Variants in GTF2F2 observed in about 807,000 individuals in gnomAD.
The protein encoded by GTF2F2 is general transcription factor IIF subunit 2.
Under a neutral mutation model 42.2 loss-of-function variants are expected in GTF2F2, and 23 were observed. The observed-to-expected ratio is 0.55, with a 90% CI of 0.39 to 0.77. The LOEUF (loss-of-function observed/expected upper bound fraction) is 0.77, where lower values mean the gene tolerates loss of function less well. Ranked by LOEUF, GTF2F2 falls within the 30% of genes least tolerant of loss-of-function variation. The pLI is 0.00. For synonymous variants in GTF2F2, 105 were observed against 100.8 expected (o/e 1.04, Z -0.25); for missense variants, 261 against 287.2 (o/e 0.91, Z 0.66).
chr13:45,268,125 C>T (rs8000070), intron 7 of GTF2F2, among the ~76,000 whole-genome samples: 49,456 of 151,878 alleles, frequency 0.33, 10,263 homozygotes, highest in African/African-American at 0.59. Context: ...TTCTCCACCA[C>T]ATGTCACCAA....
At chr13:45,272,402 A>G (rs1183769500) in intron 7 of GTF2F2, among the ~76,000 whole-genome samples, 1 of 142,560 alleles carries the variant, frequency 7.0e-6, no homozygotes, top group African/African-American at 2.7e-5. Flanking sequence ...TTAACTTTTT[A>G]TATGGTTTTG....
intron 5 of GTF2F2, among the ~76,000 whole-genome samples, chr13:45,222,691 A>G (rs571158959): frequency 2.6e-5 from 4 of 152,348 alleles, no homozygotes; most frequent in Non-Finnish European, 5.9e-5. Flanking sequence ...AACCTTGAAC[A>G]TCTATTATAT....
In GTF2F2 at chr13:45,191,220, A is replaced by ATATATAT. The variant is rs1555267754; in HGVS notation, c.305-16204_305-16203insTATATAT. On this transcript the variant is annotated intron_variant, in intron 4 of 7. Transcript: ENST00000340473. ...CCCCGTCTCTACTAAAAATACAAAAAAAAAATATATATATATATATATATA... is the reference window on the plus strand; with the variant it reads ...CCCCGTCTCTACTAAAAATACAAAAATATATATAAAAATATATATATATATATATATA... Among the ~76,000 whole-genome samples the ATATATAT allele has an allele frequency of 6.6e-5, 5 of 75,210 alleles. No homozygotes were observed. In the South Asian group the frequency reaches 1.1e-3, roughly 16 times the overall value. 49.3% of individuals were successfully genotyped at this position (75,210 alleles called of 152,430 possible).
intron 7 of GTF2F2, among the ~76,000 whole-genome samples, chr13:45,276,527 C>A (rs1186362449): frequency 2.0e-5 from 3 of 151,754 alleles, no homozygotes; most frequent in Non-Finnish European, 4.4e-5. Flanking sequence ...ACCTCTGCCT[C>A]CCGAGTTCAA....
intron 2 of GTF2F2, among the ~76,000 whole-genome samples, chr13:45,137,551 C>T (rs919894538): frequency 2.0e-5 from 3 of 152,164 alleles, no homozygotes; most frequent in Non-Finnish European, 2.9e-5. Flanking sequence ...CTGGCCTGGG[C>T]GGCCTTCCTG....
In GTF2F2 at chr13:45,167,396, A is replaced by ATTTTTT. The variant is rs761750778; in HGVS notation, c.304+15580_304+15585dup. ...CACACCCAGCTAATTTCACCCAGCTATTTTTTTTTTTTTTTTTTTTGAGAT... is the reference window on the plus strand; with the variant it reads ...CACACCCAGCTAATTTCACCCAGCTATTTTTTTTTTTTTTTTTTTTTTTTTTGAGAT... On this transcript the variant is annotated intron_variant, in intron 4 of 7. Coordinates refer to ENST00000340473, the MANE Select transcript of GTF2F2 (RefSeq NM_004128.3). 7.0e-4 allele frequency among the ~76,000 whole-genome samples: 73 copies of ATTTTTT among 104,246 alleles called. 1 individual carries two copies. Among genetic ancestry groups the ATTTTTT allele is most frequent in the African/African-American group, 1.7e-3 (44 of 26,264 alleles). 68.4% of individuals were successfully genotyped at this position (104,246 alleles called of 152,430 possible). A position where few individuals can be genotyped will look rare whatever the true frequency, so the allele number is the denominator to read the frequency against.
At position 45,252,859 on chromosome 13, in the gene GTF2F2, A is replaced by AT. The variant is rs139972349; in HGVS notation, c.387-4dup. On this transcript the variant is annotated splice_polypyrimidine_tract_variant and intron_variant, in intron 5 of 7. Coordinates refer to ENST00000340473, the MANE Select transcript of GTF2F2 (RefSeq NM_004128.3). ...AACAAGAGTGTTAATAATGCCTTATATTTTTTTTCAGATTGCAAATAGAAG... is the reference window on the plus strand; with the variant it reads ...AACAAGAGTGTTAATAATGCCTTATATTTTTTTTTCAGATTGCAAATAGAAG... 266,241 of 1,203,634 alleles carry AT rather than the reference A, an allele frequency of 0.22. 31,307 individuals are homozygous for AT. Among genetic ancestry groups the AT allele is most frequent in the African/African-American group, 0.41 (25,259 of 62,024 alleles). 74.6% of individuals were successfully genotyped at this position (1,203,634 alleles called of 1,614,324 possible).
chr13:45,185,118 G>T (rs1362924913), intron 4 of GTF2F2, among the ~76,000 whole-genome samples: 2 of 152,086 alleles, frequency 1.3e-5, no homozygotes, highest in African/African-American at 4.8e-5. Context: ...ACCCCGCTTA[G>T]CCCATTATTT....
At chr13:45,122,197 C>T (rs891987113) in intron 1 of GTF2F2, among the ~76,000 whole-genome samples, 4 of 151,986 alleles carry the variant, frequency 2.6e-5, no homozygotes, top group African/African-American at 9.7e-5. Context: ...GATATTCTAA[C>T]TTTAGTTTAC....
intron 5 of GTF2F2, among the ~76,000 whole-genome samples, chr13:45,219,112 C>G (rs1173790925): frequency 6.6e-6 from 1 of 151,262 alleles, no homozygotes; most frequent in Non-Finnish European, 1.5e-5. Flanking sequence ...GGGTCCCTCA[C>G]TTTTATATGG....
At chr13:45,190,173 A>G (rs192020605) in intron 4 of GTF2F2, among the ~76,000 whole-genome samples, 2 of 152,270 alleles carry the variant, frequency 1.3e-5, no homozygotes, top group East Asian at 3.9e-4. Flanking sequence ...ACAACCCCAT[A>G]AAAAAGTGGG....
chr13:45,268,089 T>C (rs1876644270), intron 7 of GTF2F2, among the ~76,000 whole-genome samples: 2 of 152,190 alleles, frequency 1.3e-5, no homozygotes, highest in Admixed American at 6.5e-5. Flanking sequence ...TTCTAGTCTT[T>C]GAGTCACATT....
chr13:45,269,667 A>G (rs570117822), intron 7 of GTF2F2, among the ~76,000 whole-genome samples: 58 of 152,356 alleles, frequency 3.8e-4, no homozygotes, highest in South Asian at 2.3e-3. Context: ...GATTTGGAGT[A>G]TGAGATCCTA....
chr13:45,239,732 A>G (rs982159933), intron 5 of GTF2F2, among the ~76,000 whole-genome samples: 3 of 152,240 alleles, frequency 2.0e-5, no homozygotes, highest in African/African-American at 7.2e-5. Flanking sequence ...CATATAATGG[A>G]CATAGTGTGG....
intron 4 of GTF2F2, among the ~76,000 whole-genome samples, chr13:45,154,556 A>C (rs535072146): frequency 8.8e-4 from 134 of 152,312 alleles, no homozygotes; most frequent in African/African-American, 3.0e-3. Context: ...TAGTTATAAT[A>C]CACTATAACA....
At chr13:45,264,797 C>G (rs898923079) in intron 6 of GTF2F2, among the ~76,000 whole-genome samples, 4 of 152,176 alleles carry the variant, frequency 2.6e-5, no homozygotes, top group African/African-American at 7.2e-5. Context: ...CCACAGCCAA[C>G]TAGAATGTGC....
chr13:45,213,089 A>AT (rs1467027986), intron 5 of GTF2F2, among the ~76,000 whole-genome samples: 1 of 133,948 alleles, frequency 7.5e-6, no homozygotes, highest in Non-Finnish European at 1.6e-5. Context: ...TCTTCTTATT[A>AT]TTTTTTTGAG....
intron 4 of GTF2F2, among the ~76,000 whole-genome samples, chr13:45,185,481 C>T (rs1037803954): frequency 2.6e-5 from 4 of 152,250 alleles, no homozygotes; most frequent in East Asian, 1.9e-4. Context: ...TAAATGCCTG[C>T]GGTTGTGTTT....
At chr13:45,148,677 C>T (rs1236194367) in intron 2 of GTF2F2, among the ~76,000 whole-genome samples, 1 of 151,908 alleles carries the variant, frequency 6.6e-6, no homozygotes, top group African/African-American at 2.4e-5. Context: ...ATGGATGTAC[C>T]TTTTATTCCT....
Sources: gnomAD v4.1 joint callset for allele counts (sites outside exome capture counted in the v4.1 genomes callset) on GRCh38, gnomAD v4.1.1 for gene constraint, MANE v1.5 for transcripts, NCBI Gene and HGNC (gene_info 2026-07-23, HGNC 2026-07-21) for gene names.